CYFIP2: variants seen among roughly 807,000 people sequenced by gnomAD.
CYFIP2 encodes cytoplasmic FMR1 interacting protein 2, also known as cytoplasmic FMR1-interacting protein 2.
In CYFIP2, 29 loss-of-function variants were observed where a neutral mutation model predicts 158.7. The observed-to-expected ratio is 0.18, with a 90% confidence interval of 0.14 to 0.25. The LOEUF (loss-of-function observed/expected upper bound fraction) is 0.25. Among genes scored for constraint, CYFIP2 ranks in the 10% least tolerant of loss-of-function variants. CYFIP2 has a pLI of 1.00. For synonymous variants in CYFIP2, 585 were observed against 617.6 expected (o/e 0.95, Z 0.78); for missense variants, 852 against 1,639.5 (o/e 0.52, Z 8.29).
In CYFIP2 at chr5:157,326,408, C is replaced by G. The variant is rs564178691; in HGVS notation, c.2079+141C>G. ...CTCTGTAACCATGGCCATCAGAAGG[C>G]CTGTGTAACCTCTGAGGGCAGAAGT... On this transcript the variant is annotated intron_variant, in intron 18 of 30. Coordinates refer to ENST00000620254, the MANE Select transcript of CYFIP2 (RefSeq NM_001037333.3). The G allele has an allele frequency of 1.3e-3, 958 of 714,492 alleles. 1 individual carries two copies. The highest frequency in any genetic ancestry group is 2.0e-3 in the Non-Finnish European group (855 of 418,196). 44.3% of individuals were successfully genotyped at this position (714,492 alleles called of 1,614,324 possible).
chr5:157,283,188 G>C (rs970743918), intron 1 of CYFIP2, among the ~76,000 whole-genome samples: 10 of 152,158 alleles, frequency 6.6e-5, no homozygotes, highest in African/African-American at 1.9e-4. Context: ...GGTTCTGTTT[G>C]TTCATCTATA....
chr5:157,273,531 G>T (rs1200527817), intron 1 of CYFIP2, among the ~76,000 whole-genome samples: 1 of 152,116 alleles, frequency 6.6e-6, no homozygotes, highest in Non-Finnish European at 1.5e-5. Context: ...AGCTAGCTGG[G>T]CCTGCCCTGT....
At chr5:157,354,510 G>T (rs1054231794) in intron 23 of CYFIP2, among the ~76,000 whole-genome samples, 3 of 151,964 alleles carry the variant, frequency 2.0e-5, no homozygotes, top group Non-Finnish European at 2.9e-5. Flanking sequence ...GGATGAGTGT[G>T]TGTGTACTTT....
At position 157,390,677 on chromosome 5, in the gene CYFIP2, G is replaced by A; in HGVS notation, c.3594+9G>A. On this transcript the variant is annotated intron_variant, in intron 30 of 30. Coordinates refer to ENST00000620254, the MANE Select transcript of CYFIP2 (RefSeq NM_001037333.3). Reference sequence around the variant, plus strand: ...AAATCATTAAGAATGTGGTGAGCAGGCTGGTGGCTAAGGCCTGGGAGGTGG... The same window carrying A: ...AAATCATTAAGAATGTGGTGAGCAGACTGGTGGCTAAGGCCTGGGAGGTGG... 6.3e-7 allele frequency: 1 copy of A among 1,580,908 alleles called. No individual in the cohort carries two copies. The highest frequency in any genetic ancestry group is 8.6e-7 in the Non-Finnish European group (1 of 1,163,044).
At chr5:157,301,310 C>T (rs58207142) in intron 6 of CYFIP2, among the ~76,000 whole-genome samples, 1,528 of 152,324 alleles carry the variant, frequency 0.01, 32 homozygotes, top group African/African-American at 0.034. Flanking sequence ...AGTCCAGGTA[C>T]ACCTGCACAC....
chr5:157,342,979 C>G (rs1350495512), intron 23 of CYFIP2: 1 of 1,614,234 alleles, frequency 6.2e-7, no homozygotes, highest in South Asian at 1.1e-5. Flanking sequence ...CTCTGGAGTT[C>G]TTGCGTGGCA....
chr5:157,339,345 G>A lies in CYFIP2; in HGVS notation c.2585+89G>A. On this transcript the variant is annotated intron_variant, in intron 22 of 30. Transcript: ENST00000620254. ...CAAACTAGGCCCAGTACATGTGTGA[G>A]TGGTTCCTGCAACAGGTGTCTCTCA... 4.1e-6 allele frequency: 5 copies of A among 1,207,078 alleles called. No individual in the cohort carries two copies. In the South Asian group the frequency reaches 6.9e-5, roughly 17 times the overall value. The allele number at this position is 1,207,078 out of a possible 1,614,324, so 74.8% of individuals were successfully genotyped here.
At chr5:157,372,346 T>A (rs551563621) in intron 26 of CYFIP2, among the ~76,000 whole-genome samples, 52 of 118,500 alleles carry the variant, frequency 4.4e-4, no homozygotes, top group African/African-American at 1.8e-3. Context: ...CTCAAATGAC[T>A]CAGTAAAGTT....
At chr5:157,383,498 A>G in intron 28 of CYFIP2, 139 bp downstream of exon 28, 2 of 695,070 alleles carry the variant, frequency 2.9e-6, no homozygotes. Flanking sequence ...AAACTGGTTA[A>G]TATTAATAGC....
intron 21 of CYFIP2, among the ~76,000 whole-genome samples, chr5:157,338,345 C>T (rs571532081): frequency 6.6e-6 from 1 of 152,316 alleles, no homozygotes; most frequent in South Asian, 2.1e-4. Flanking sequence ...CATGTGATAC[C>T]TCAAGGGGCC....
chr5:157,288,645 C>T lies in CYFIP2; in HGVS notation c.207+1537C>T, dbSNP rs145161331. ...GATGCATTGTCTCATTTGCTCCTGACATCAACCCTGTGAGGTAGGTTCTAT... is the reference window on the plus strand; with the variant it reads ...GATGCATTGTCTCATTTGCTCCTGATATCAACCCTGTGAGGTAGGTTCTAT... On this transcript the variant is annotated intron_variant, in intron 3 of 30. Coordinates refer to ENST00000620254, the MANE Select transcript of CYFIP2 (RefSeq NM_001037333.3). 2.4e-4 allele frequency: 111 copies of T among 456,044 alleles called. 1 individual carries two copies. Among genetic ancestry groups the T allele is most frequent in the African/African-American group, 1.8e-3 (92 of 50,174 alleles). The allele number at this position is 456,044 out of a possible 1,614,324, so 28.2% of individuals were successfully genotyped here.
At chr5:157,390,198 G>A (rs183487996) in intron 29 of CYFIP2, among the ~76,000 whole-genome samples, 3 of 152,202 alleles carry the variant, frequency 2.0e-5, no homozygotes, top group South Asian at 2.1e-4. Flanking sequence ...TGACCTGCAC[G>A]GAGTAATCAG....
chr5:157,322,917 TC>T, intron 15 of CYFIP2: 1 of 1,530,762 alleles, frequency 6.5e-7, no homozygotes, highest in South Asian at 1.2e-5. Context: ...CATTCCCTCT[TC>T]CTTCTCTCCT....
At chr5:157,316,500 A>T (rs1197555138) in intron 13 of CYFIP2, among the ~76,000 whole-genome samples, 3 of 152,194 alleles carry the variant, frequency 2.0e-5, no homozygotes. Context: ...GGTCTGTCTG[A>T]TTTATAACCT....
chr5:157,280,427 C>T (rs1031176877), intron 1 of CYFIP2, among the ~76,000 whole-genome samples: 1 of 147,750 alleles, frequency 6.8e-6, no homozygotes, highest in Admixed American at 6.8e-5. Flanking sequence ...ATTGACCAGG[C>T]TGGTCAGGCT....
Position 157,330,847 on chromosome 5 carries a change from C to T in CYFIP2, c.2262C>T (p.Val754=). The T allele has an allele frequency of 6.2e-7, 1 of 1,613,346 alleles. No homozygotes were observed. Among genetic ancestry groups the T allele is most frequent in the Non-Finnish European group, 8.5e-7 (1 of 1,179,290 alleles). ...RYETLLKQRH[V]QLLGRSIDLN... ...AAACACTGCTGAAGCAGAGACACGTCCAGGTATGGGGAGCAGAAGCCACCT... is the reference window on the plus strand; with the variant it reads ...AAACACTGCTGAAGCAGAGACACGTTCAGGTATGGGGAGCAGAAGCCACCT... Residue 754 remains valine (V), a synonymous_variant, in exon 20 of 31, where the codon GTC becomes GTT. Transcript: ENST00000620254.
At chr5:157,310,568 T>G (rs1183107000) in intron 10 of CYFIP2, among the ~76,000 whole-genome samples, 1 of 152,240 alleles carries the variant, frequency 6.6e-6, no homozygotes, top group East Asian at 1.9e-4. Context: ...TTCATCACCC[T>G]CTGGCTGCTA....
In CYFIP2 at chr5:157,330,408, T is replaced by C. The variant is rs554238698; in HGVS notation, c.2157-334T>C. Among the ~76,000 whole-genome samples, 4 of 152,306 alleles carry C rather than the reference T, an allele frequency of 2.6e-5. No individual in the cohort carries two copies. The East Asian group carries it at 7.7e-4, about 29-fold the overall frequency. On this transcript the variant is annotated intron_variant, in intron 19 of 30. Transcript: ENST00000620254. Reference sequence around the variant, plus strand: ...TTTCCTCACTCGAATATAAACTCCATGAGGACAGGAACTTTGTATTCCCAG... The same window carrying C: ...TTTCCTCACTCGAATATAAACTCCACGAGGACAGGAACTTTGTATTCCCAG...
At chr5:157,325,669 T>C in intron 17 of CYFIP2, 31 bp downstream of exon 17, 1 of 1,567,082 alleles carries the variant, frequency 6.4e-7, no homozygotes, top group Admixed American at 1.8e-5. Context: ...AGCAAGTGGC[T>C]CCTGGGGTAC....
Sources: allele counts gnomAD v4.1 joint callset (sites outside exome capture counted in the v4.1 genomes callset), GRCh38; gene constraint gnomAD v4.1.1; transcripts MANE v1.5; gene names NCBI Gene and HGNC (gene_info 2026-07-23, HGNC 2026-07-21).